SI: variants seen among roughly 807,000 people sequenced by gnomAD.
SI encodes the protein sucrase-isomaltase, intestinal.
Under a neutral mutation model 253.3 loss-of-function variants are expected in SI, and 235 were observed. The observed-to-expected ratio is 0.93, with a 90% CI of 0.83 to 1.03. The LOEUF (loss-of-function observed/expected upper bound fraction) is 1.03. SI is among the 50% of genes least tolerant of loss of function. The pLI is 0.00. For missense variants in SI, 2,442 were observed against 2,211.1 expected (o/e 1.10, Z -2.09); for synonymous variants, 819 against 712.0 (o/e 1.15, Z -2.39).
chr3:165,084,809 A>G, the SI span, among the ~76,000 whole-genome samples: 1 of 152,100 alleles, frequency 6.6e-6, no homozygotes, highest in Non-Finnish European at 1.5e-5. Flanking sequence ...AAATTTAAAC[A>G]GGACATGATT....
At chr3:165,049,069 T>A (rs1713290985) in intron 15 of SI, 58 bp downstream of exon 15, 1 of 983,326 alleles carries the variant, frequency 1.0e-6, no homozygotes, top group Non-Finnish European at 1.7e-6. Flanking sequence ...TGATAAATTA[T>A]CAAAAACATT....
At chr3:165,007,068 C>T in intron 36 of SI, 114 bp from the exon 37 acceptor site, 1 of 808,422 alleles carries the variant, frequency 1.2e-6, no homozygotes, top group Non-Finnish European at 2.0e-6. Context: ...TTTATAAAAC[C>T]TATGTATATT....
Position 165,067,412 on chromosome 3 carries a change from G to T in SI, c.563C>A (p.Thr188Lys), listed in dbSNP as rs1714300907. 2 of 1,611,816 alleles carry T rather than the reference G, an allele frequency of 1.2e-6. No individual in the cohort carries two copies. The highest frequency in any genetic ancestry group is 4.5e-5 in the East Asian group (2 of 44,714). Residue 188 changes from threonine (T) to lysine (K), a missense_variant, in exon 6 of 48, where the codon ACG becomes AAG. Thr to Lys is a moderately conservative substitution (Grantham distance 78). Coordinates refer to ENST00000264382, the MANE Select transcript of SI (RefSeq NM_001041.4). ...KEFTGPTVSD[T>K]LYDVKVAQNP... ...TTGGGCAACCTTCACATCATACAAC[G>T]TATCAGAAACTGTGGGTCCAGTAAA... is the stretch of plus-strand genomic sequence containing the variant.
rs886287291 is a variant in SI at position 165,016,089 on chromosome 3, T to G, written c.3760-9A>C. 2 of 1,611,954 alleles carry G rather than the reference T, an allele frequency of 1.2e-6. No homozygotes were observed. The highest frequency in any genetic ancestry group is 1.7e-6 in the Non-Finnish European group (2 of 1,178,512). ...TCTGTGTACTGAACATCCTGAAATA[T>G]CCAAAAATTATCAAAGTAGGGCAAA... is the stretch of plus-strand genomic sequence containing the variant. On this transcript the variant is annotated splice_polypyrimidine_tract_variant and intron_variant, in intron 31 of 47. Transcript: ENST00000264382.
Position 165,021,369 on chromosome 3 carries a change from T to C in SI, c.3114A>G (p.Gln1038=). The C allele has an allele frequency of 6.2e-7, 1 of 1,610,156 alleles. No homozygotes were observed. The highest frequency in any genetic ancestry group is 8.5e-7 in the Non-Finnish European group (1 of 1,177,148). ...DMLQFKIYDP[Q]KKRYEVPVPL... Reference sequence around the variant, plus strand: ...GTACTGGTACTTCATATCTCTTCTTTTGGGGATCATAAATCTATTGCAGAT... The same window carrying C: ...GTACTGGTACTTCATATCTCTTCTTCTGGGGATCATAAATCTATTGCAGAT... Residue 1038 remains glutamine (Q), a synonymous_variant, in exon 27 of 48, where the codon CAA becomes CAG. Coordinates refer to ENST00000264382, the MANE Select transcript of SI (RefSeq NM_001041.4).
intron 15 of SI, among the ~76,000 whole-genome samples, chr3:165,048,588 G>T (rs200612534): frequency 0.045 from 5,830 of 128,306 alleles, 138 homozygotes; most frequent in African/African-American, 0.085. Context: ...TATATATAGA[G>T]AGAGAGAGAG....
chr3:165,049,089 T>A (rs763825502), intron 15 of SI, 38 bp downstream of exon 15: 1 of 1,104,838 alleles, frequency 9.1e-7, no homozygotes, highest in Non-Finnish European at 1.4e-6. Context: ...TTTTAAGCAA[T>A]AAATATGAAA....
intron 15 of SI, among the ~76,000 whole-genome samples, chr3:165,048,531 AG>A (rs1713244636): frequency 6.8e-6 from 1 of 147,280 alleles, no homozygotes; most frequent in African/African-American, 2.5e-5. Flanking sequence ...GTTACAAAAA[AG>A]AGTCTTAGTT....
intron 37 of SI, 109 bp downstream of exon 37, chr3:165,006,707 G>T: frequency 2.2e-6 from 2 of 925,282 alleles, no homozygotes; most frequent in Non-Finnish European, 3.5e-6. Flanking sequence ...GAACAATTGG[G>T]AAGTAAAGAG....
chr3:164,999,083 C>T (rs1172451552), intron 37 of SI, among the ~76,000 whole-genome samples: 2 of 151,854 alleles, frequency 1.3e-5, no homozygotes, highest in Non-Finnish European at 2.9e-5. Flanking sequence ...ACTTAATGTA[C>T]ATATTACTGT....
chr3:165,021,608 G>A (rs1410613141), intron 26 of SI, among the ~76,000 whole-genome samples: 1 of 151,430 alleles, frequency 6.6e-6, no homozygotes, highest in Admixed American at 6.6e-5. Context: ...TTTAAAAAAT[G>A]TTTTGTGATT....
At chr3:164,982,109 C>T (rs189065565) in intron 47 of SI, 134 bp downstream of exon 47, 1 of 654,244 alleles carries the variant, frequency 1.5e-6, no homozygotes, top group African/African-American at 1.8e-5. Context: ...ATATGGAGGC[C>T]TAATGAAAAG....
intron 33 of SI, 112 bp from the exon 34 acceptor site, chr3:165,013,154 T>C (rs1444066113): frequency 6.5e-6 from 5 of 773,156 alleles, no homozygotes; most frequent in Non-Finnish European, 1.2e-5. Context: ...CTCAAAGTCT[T>C]CAGATCTGCA....
In SI at chr3:165,074,568, A is replaced by T. The variant is rs377234225; in HGVS notation, c.218T>A (p.Val73Glu). ...CPNVLNDPVN[V>E]RINCIPEQFP... The stretch of plus-strand genomic sequence containing the variant: ...TTGTTCTGGAATGCAGTTTATTCTC[A>T]CATTGACAGGATCATTTAACACATT... Residue 73 changes from valine to glutamate, a missense_variant, in exon 3 of 48, where the codon GTG becomes GAG. Physicochemically the swap from Val to Glu is moderately radical, Grantham distance 121. Transcript: ENST00000264382. 2 of 1,609,868 alleles carry T rather than the reference A, an allele frequency of 1.2e-6. No individual in the cohort carries two copies. Among genetic ancestry groups the T allele is most frequent in the Non-Finnish European group, 1.7e-6 (2 of 1,177,426 alleles).
At position 165,009,157 on chromosome 3, in the gene SI, G is replaced by A. The variant is rs970703062; in HGVS notation, c.4179+122C>T. The A allele has an allele frequency of 7.1e-6, 5 of 701,858 alleles. No homozygotes were observed. The African/African-American group carries it at 7.1e-5, about 10-fold the overall frequency. 43.5% of individuals were successfully genotyped at this position (701,858 alleles called of 1,614,324 possible). ...GTTTGTGTAAGAAAGTTCTGTGGGG[G>A]AAAAAAGTGGACTAGTTTTCAAATA... On this transcript the variant is annotated intron_variant, in intron 35 of 47. Coordinates refer to ENST00000264382, the MANE Select transcript of SI (RefSeq NM_001041.4).
intron 38 of SI, among the ~76,000 whole-genome samples, chr3:164,997,023 A>C (rs1392191444): frequency 6.6e-6 from 1 of 151,808 alleles, no homozygotes; most frequent in Non-Finnish European, 1.5e-5. Context: ...TGACATATTC[A>C]GACAACAAAT....
chr3:165,085,461 A>T, the SI span, among the ~76,000 whole-genome samples: 2 of 152,136 alleles, frequency 1.3e-5, no homozygotes, highest in Admixed American at 1.3e-4. Flanking sequence ...TTTGGGCACA[A>T]AATATGGGTT....
intron 13 of SI, among the ~76,000 whole-genome samples, chr3:165,051,282 A>C (rs367570501): frequency 1.0e-3 from 158 of 152,214 alleles, no homozygotes; most frequent in African/African-American, 3.7e-3. Flanking sequence ...ATGATAAATT[A>C]ATGGTGCTCA....
Position 164,992,320 on chromosome 3 carries a change from A to T in SI, c.4919T>A (p.Leu1640Gln). ...ATATGTGGTAGGACTTACAGGTTCC[A>T]GTACTGGGGTAACCATAAATGCTGG... is the stretch of plus-strand genomic sequence containing the variant. ...WGPAFMVTPV[L>Q]EPYVQTVNAY... The change falls in exon 42 of 48, where the codon CTG (leucine) becomes CAG (glutamine). Residue 1640 changes from leucine to glutamine, a missense_variant. Leu to Gln is a moderately radical substitution (Grantham distance 113). Coordinates refer to ENST00000264382, the MANE Select transcript of SI (RefSeq NM_001041.4). The T allele has an allele frequency of 1.2e-6, 2 of 1,613,336 alleles. No individual in the cohort carries two copies. Among genetic ancestry groups the T allele is most frequent in the Non-Finnish European group, 8.5e-7 (1 of 1,179,446 alleles).
Sources: gnomAD v4.1 joint callset for allele counts (sites outside exome capture counted in the v4.1 genomes callset) on GRCh38, gnomAD v4.1.1 for gene constraint, MANE v1.5 for transcripts, NCBI Gene and HGNC (gene_info 2026-07-23, HGNC 2026-07-21) for gene names.